Variants in SIK3 observed in about 807,000 individuals in gnomAD.
The protein encoded by SIK3 is SIK family kinase 3.
Under a neutral mutation model 144.2 loss-of-function variants are expected in SIK3, and 28 were observed. That is an observed-to-expected ratio of 0.19 (90% CI 0.14 to 0.27). SIK3 has a LOEUF of 0.27. Ranked by LOEUF, SIK3 falls within the 10% of genes least tolerant of loss-of-function variation. SIK3 has a pLI of 1.00. For synonymous variants in SIK3, 686 were observed against 676.3 expected, an observed-to-expected ratio of 1.01 and a Z score of -0.22; for missense variants, 1,319 against 1,776.0, an observed-to-expected ratio of 0.74 and a Z score of 4.62.
intron 1 of SIK3, among the ~76,000 whole-genome samples, chr11:116,960,273 T>G (rs1949292728): frequency 6.6e-6 from 1 of 152,022 alleles, no homozygotes; most frequent in South Asian, 2.1e-4. Flanking sequence ...CGCCTGTAAT[T>G]CCAGCACTTT....
intron 3 of SIK3, among the ~76,000 whole-genome samples, chr11:116,938,492 A>ACCAAACC (rs1948073740): frequency 2.1e-5 from 1 of 47,818 alleles, no homozygotes; most frequent in African/African-American, 9.0e-5. Context: ...AGGAGAAGAG[A>ACCAAACC]AGGAGAGAAA....
In SIK3 at chr11:116,866,824, TTTTA is replaced by T. The variant is rs202206715; in HGVS notation, c.1952+1118_1952+1121del. Among the ~76,000 whole-genome samples, 17 of 152,152 alleles carry T rather than the reference TTTTA, an allele frequency of 1.1e-4. No homozygotes were observed. The East Asian group carries it at 1.9e-3, about 17-fold the overall frequency. On this transcript the variant is annotated intron_variant, in intron 15 of 24. Coordinates refer to ENST00000445177, the MANE Select transcript of SIK3 (RefSeq NM_001366686.3). The stretch of plus-strand genomic sequence containing the variant: ...AGCCTGTCTTTCTGTGCCATCAGAG[TTTTA>T]TTTGAGAATTGTCATTCTTGCTACT...
intron 1 of SIK3, among the ~76,000 whole-genome samples, chr11:117,064,538 C>T (rs1953927256): frequency 6.6e-6 from 1 of 152,184 alleles, no homozygotes; most frequent in Non-Finnish European, 1.5e-5. Context: ...TACTGATAAG[C>T]ACTGTCACAA....
Position 116,898,269 on chromosome 11 carries a change from C to T in SIK3, c.617-952G>A, listed in dbSNP as rs1057404556. Among the ~76,000 whole-genome samples the T allele has an allele frequency of 5.9e-5, 9 of 152,056 alleles. 1 individual carries two copies. The highest frequency in any genetic ancestry group is 5.9e-4 in the Admixed American group (9 of 15,278). On this transcript the variant is annotated intron_variant, in intron 4 of 24. Coordinates refer to ENST00000445177, the MANE Select transcript of SIK3 (RefSeq NM_001366686.3). Reference sequence around the variant, plus strand: ...GATAGTTTACTGAGAATGATGATTTCCAATTTCATCCATGTCCCTACAAAG... The same window carrying T: ...GATAGTTTACTGAGAATGATGATTTTCAATTTCATCCATGTCCCTACAAAG...
At chr11:117,079,254 A>C (rs1303681316) in intron 1 of SIK3, among the ~76,000 whole-genome samples, 2 of 152,226 alleles carry the variant, frequency 1.3e-5, no homozygotes, top group Non-Finnish European at 2.9e-5. Flanking sequence ...AAAGCAAGAA[A>C]AGACAGCACA....
chr11:116,886,082 G>A (rs1357477035), intron 6 of SIK3, among the ~76,000 whole-genome samples: 1 of 152,184 alleles, frequency 6.6e-6, no homozygotes, highest in Non-Finnish European at 1.5e-5. Flanking sequence ...GGTTTGAAAA[G>A]GCTAATAATA....
chr11:117,030,231 T>C (rs11600552), intron 1 of SIK3, among the ~76,000 whole-genome samples: 56,684 of 152,030 alleles, frequency 0.37, 12,911 homozygotes, highest in African/African-American at 0.65. Context: ...GATGCCCACG[T>C]CGTGACACAG....
intron 1 of SIK3, among the ~76,000 whole-genome samples, chr11:117,020,968 C>A (rs992478585): frequency 3.3e-5 from 5 of 152,174 alleles, no homozygotes; most frequent in African/African-American, 1.2e-4. Flanking sequence ...AGACTGGGGA[C>A]AGACTTGTGG....
chr11:117,081,966 A>AAT (rs1197447595), intron 1 of SIK3, among the ~76,000 whole-genome samples: 25 of 152,228 alleles, frequency 1.6e-4, no homozygotes, highest in African/African-American at 6.0e-4. Flanking sequence ...CCAATTCAAA[A>AAT]ATGGGCAAAG....
intron 6 of SIK3, among the ~76,000 whole-genome samples, chr11:116,883,790 C>T (rs1367774677): frequency 6.6e-6 from 1 of 151,988 alleles, no homozygotes; most frequent in Admixed American, 6.6e-5. Context: ...AAAAATTAGC[C>T]AGGCATGGTG....
At chr11:116,907,421 C>T (rs934427146) in intron 4 of SIK3, among the ~76,000 whole-genome samples, 4 of 152,142 alleles carry the variant, frequency 2.6e-5, no homozygotes, top group African/African-American at 4.8e-5. Context: ...CCAAGGCTGG[C>T]GGATCACTTG....
chr11:116,852,517 T>G (rs1942546956), intron 21 of SIK3, among the ~76,000 whole-genome samples: 1 of 152,228 alleles, frequency 6.6e-6, no homozygotes, highest in South Asian at 2.1e-4. Flanking sequence ...GAGCAGGAGC[T>G]CGGGCAAGTT....
intron 4 of SIK3, among the ~76,000 whole-genome samples, chr11:116,914,456 A>G (rs1946511613): frequency 6.6e-6 from 1 of 152,044 alleles, no homozygotes; most frequent in South Asian, 2.1e-4. Flanking sequence ...TAATCCGCCC[A>G]GGTCCCAAAG....
At chr11:116,890,006 G>A (rs1010396793) in intron 6 of SIK3, among the ~76,000 whole-genome samples, 2 of 152,216 alleles carry the variant, frequency 1.3e-5, no homozygotes, top group African/African-American at 2.4e-5. Context: ...ACTCTCCAGA[G>A]GGGCTTTTGG....
chr11:116,950,136 A>C (rs1274392169), intron 3 of SIK3: 1 of 470,968 alleles, frequency 2.1e-6, no homozygotes, highest in Non-Finnish European at 4.4e-6. Context: ...GGCATACCTG[A>C]TCAAGTTCCA....
At chr11:117,020,166 G>A (rs987543604) in intron 1 of SIK3, among the ~76,000 whole-genome samples, 4 of 149,554 alleles carry the variant, frequency 2.7e-5, no homozygotes, top group Non-Finnish European at 5.9e-5. Flanking sequence ...CAACTCAGCC[G>A]TTTATCAGAA....
intron 6 of SIK3, among the ~76,000 whole-genome samples, chr11:116,893,262 G>C (rs1945223920): frequency 6.6e-6 from 1 of 152,182 alleles, no homozygotes; most frequent in African/African-American, 2.4e-5. Flanking sequence ...TACCACTCTG[G>C]TGGGGCACAT....
chr11:116,859,534 G>C lies in SIK3; in HGVS notation c.2496C>G (p.Asn832Lys), dbSNP rs1445303619. The C allele has an allele frequency of 6.2e-7, 1 of 1,614,116 alleles. No homozygotes were observed. The highest frequency in any genetic ancestry group is 8.5e-7 in the Non-Finnish European group (1 of 1,180,060). The stretch of plus-strand genomic sequence containing the variant: ...GTGCCACGTTGGGAGGAGAGGAACA[G>C]TTCTCAGGTTGCTGCTGAAAGATTG... ...RSAIFQQQPE[N>K]CSSPPNVALT... Residue 832 changes from asparagine (N) to lysine (K), a missense_variant, in exon 20 of 25, where the codon AAC becomes AAG. Asn to Lys is a moderately conservative substitution (Grantham distance 94, BLOSUM62 0). Coordinates refer to ENST00000445177, the MANE Select transcript of SIK3 (RefSeq NM_001366686.3).
intron 17 of SIK3, 118 bp from the exon 18 acceptor site, chr11:116,862,044 T>C: frequency 7.8e-7 from 1 of 1,277,192 alleles, no homozygotes; most frequent in South Asian, 1.3e-5. Flanking sequence ...ATGCTTTTGT[T>C]GTTCACCAGA....
Sources: allele counts gnomAD v4.1 joint callset (sites outside exome capture counted in the v4.1 genomes callset), GRCh38; gene constraint gnomAD v4.1.1; transcripts MANE v1.5; gene names NCBI Gene and HGNC (gene_info 2026-07-23, HGNC 2026-07-21).